BNC2: variants seen among roughly 807,000 people sequenced by gnomAD.
The protein encoded by BNC2 is zinc finger protein basonuclin-2.
BNC2 carries 20 observed loss-of-function variants against 76.3 expected under a neutral mutation model. The ratio of observed to expected loss-of-function variants is 0.26; its 90% CI spans 0.18 to 0.38. The LOEUF is 0.38. BNC2 is among the 10% of genes least tolerant of loss of function. BNC2 has a pLI of 1.00. For missense variants in BNC2, 1,382 were observed against 1,399.8 expected (o/e 0.99, Z 0.20); for synonymous variants, 582 against 514.8 (o/e 1.13, Z -1.77).
At chr9:16,772,314 A>C (rs1367760643) in intron 1 of BNC2, among the ~76,000 whole-genome samples, 1 of 152,166 alleles carries the variant, frequency 6.6e-6, no homozygotes, top group Non-Finnish European at 1.5e-5. Flanking sequence ...GGGCAAGTGA[A>C]TTATTAGATC....
chr9:16,669,385 C>T (rs1379240950), intron 3 of BNC2, among the ~76,000 whole-genome samples: 1 of 152,172 alleles, frequency 6.6e-6, no homozygotes, highest in East Asian at 1.9e-4. Flanking sequence ...CTCAAATAAT[C>T]CAACTATCCA....
chr9:16,418,697 C>A lies in BNC2; in HGVS notation c.*292G>T. 1.9e-5 allele frequency: 6 copies of A among 323,148 alleles called. No individual in the cohort carries two copies. The highest frequency in any genetic ancestry group is 7.3e-5 in the East Asian group (1 of 13,714). 20.0% of individuals were successfully genotyped at this position (323,148 alleles called of 1,614,324 possible). A position where few individuals can be genotyped will look rare whatever the true frequency, so the allele number is the denominator to read the frequency against. On this transcript the variant is annotated 3_prime_UTR_variant, in exon 7 of 7. Coordinates refer to ENST00000380672, the MANE Select transcript of BNC2 (RefSeq NM_017637.6). ...GTGTGTGTGTGTGTGTGTGTATGTG[C>A]ATGTGTGTGTGTGTGTGTTTAAAGG... is the stretch of plus-strand genomic sequence containing the variant.
chr9:16,826,768 C>T (rs3935374), intron 1 of BNC2, among the ~76,000 whole-genome samples: 8,818 of 152,038 alleles, frequency 0.058, 277 homozygotes, highest in Middle Eastern at 0.11. Flanking sequence ...TCTCCAAATC[C>T]AGGGCAACAA....
rs1820467851 is a variant in BNC2, at chr9:16,411,847, A to C, written c.*7142T>G. ...ATCTTACTGAAATGTGACTGTTTGTAATGGGGCCAACTATCTTCTCTGAGA... is the reference window on the plus strand; with the variant it reads ...ATCTTACTGAAATGTGACTGTTTGTCATGGGGCCAACTATCTTCTCTGAGA... On this transcript the variant is annotated 3_prime_UTR_variant, in exon 7 of 7. Coordinates refer to ENST00000380672, the MANE Select transcript of BNC2 (RefSeq NM_017637.6). The C allele has an allele frequency of 1.3e-5, 2 of 152,190 alleles. No individual in the cohort carries two copies. Among genetic ancestry groups the C allele is most frequent in the African/African-American group, 4.8e-5 (2 of 41,434 alleles). The allele number at this position is 152,190 out of a possible 1,614,324, so 9.4% of individuals were successfully genotyped here. A position where few individuals can be genotyped will look rare whatever the true frequency, so the allele number is the denominator to read the frequency against.
intron 6 of BNC2, chr9:16,434,848 G>A (rs1423865434): frequency 2.2e-6 from 1 of 457,370 alleles, no homozygotes; most frequent in Non-Finnish European, 4.4e-6. Flanking sequence ...CCGCATGGTA[G>A]ACTATAGTTT....
chr9:16,615,592 T>C (rs887983150), intron 3 of BNC2, among the ~76,000 whole-genome samples: 5 of 152,202 alleles, frequency 3.3e-5, no homozygotes, highest in African/African-American at 1.2e-4. Context: ...TTTTTTGTCT[T>C]ATCACATTTT....
chr9:16,525,642 G>A (rs1462321568), intron 5 of BNC2, among the ~76,000 whole-genome samples: 1 of 152,090 alleles, frequency 6.6e-6, no homozygotes, highest in Non-Finnish European at 1.5e-5. Flanking sequence ...CACAAATTAC[G>A]ATACATCCAT....
intron 1 of BNC2, among the ~76,000 whole-genome samples, chr9:16,815,037 G>A (rs1422206282): frequency 3.9e-5 from 6 of 152,100 alleles, no homozygotes; most frequent in African/African-American, 7.2e-5. Context: ...TTATAAGGAA[G>A]ACCCTAGGAA....
At chr9:16,651,513 G>C (rs959334499) in intron 3 of BNC2, among the ~76,000 whole-genome samples, 1 of 152,170 alleles carries the variant, frequency 6.6e-6, no homozygotes, top group Non-Finnish European at 1.5e-5. Context: ...CCAGTCACTT[G>C]TCCTAGAAGC....
intron 5 of BNC2, among the ~76,000 whole-genome samples, chr9:16,507,379 C>T (rs1452360873): frequency 6.6e-6 from 1 of 151,754 alleles, no homozygotes; most frequent in Non-Finnish European, 1.5e-5. Flanking sequence ...CCTGCCTCAG[C>T]CTCCCAAGTA....
In BNC2 at chr9:16,843,125, T is replaced by C. The variant is rs149432463; in HGVS notation, c.3+27521A>G. Among the ~76,000 whole-genome samples the C allele has an allele frequency of 2.4e-3, 366 of 152,296 alleles. 1 individual carries two copies. Among genetic ancestry groups the C allele is most frequent in the African/African-American group, 7.9e-3 (327 of 41,558 alleles). On this transcript the variant is annotated intron_variant, in intron 1 of 6. Coordinates refer to ENST00000380672, the MANE Select transcript of BNC2 (RefSeq NM_017637.6). ...GTTTTTTACTATAATTAAAAATAGA[T>C]TTGATAGATAGATAATTGACTGATG...
At chr9:16,491,548 G>A (rs1195844124) in intron 5 of BNC2, among the ~76,000 whole-genome samples, 2 of 152,112 alleles carry the variant, frequency 1.3e-5, no homozygotes, top group South Asian at 2.1e-4. Context: ...TGATAGCTGG[G>A]GAAATGGCAG....
intron 5 of BNC2, among the ~76,000 whole-genome samples, chr9:16,461,966 T>G (rs747991801): frequency 5.9e-5 from 9 of 152,218 alleles, no homozygotes; most frequent in Non-Finnish European, 1.0e-4. Flanking sequence ...AACAAATAAT[T>G]TCTTTAATGC....
At chr9:16,487,260 G>A (rs1822185230) in intron 5 of BNC2, among the ~76,000 whole-genome samples, 1 of 152,136 alleles carries the variant, frequency 6.6e-6, no homozygotes, top group African/African-American at 2.4e-5. Context: ...AAGTCTGTCG[G>A]CTGGGGGTGG....
intron 1 of BNC2, among the ~76,000 whole-genome samples, chr9:16,866,158 C>A (rs1425985534): frequency 6.6e-6 from 1 of 152,042 alleles, no homozygotes; most frequent in Non-Finnish European, 1.5e-5. Flanking sequence ...ATAACTGTAT[C>A]ACAAATGTTA....
intron 1 of BNC2, among the ~76,000 whole-genome samples, chr9:16,776,243 C>G (rs566243060): frequency 3.3e-4 from 50 of 152,060 alleles, no homozygotes; most frequent in Non-Finnish European, 5.9e-4. Flanking sequence ...TGGGTTCAAG[C>G]GATTCTCCTC....
chr9:16,773,891 GTAT>G (rs1356520068), intron 1 of BNC2, among the ~76,000 whole-genome samples: 4 of 152,138 alleles, frequency 2.6e-5, no homozygotes, highest in Non-Finnish European at 5.9e-5. Context: ...GTTGCAGATG[GTAT>G]TATCCCACGC....
intron 1 of BNC2, among the ~76,000 whole-genome samples, chr9:16,794,961 T>C (rs551643940): frequency 6.7e-4 from 101 of 151,850 alleles, no homozygotes; most frequent in African/African-American, 2.3e-3. Flanking sequence ...AAGTTCATGA[T>C]AAAGGAAAAT....
At chr9:16,649,684 A>G (rs1464532656) in intron 3 of BNC2, among the ~76,000 whole-genome samples, 1 of 152,190 alleles carries the variant, frequency 6.6e-6, no homozygotes. Context: ...GGCACAATCT[A>G]TAAGAGAAAG....
Sources: gnomAD v4.1 joint callset for allele counts (sites outside exome capture counted in the v4.1 genomes callset) on GRCh38, gnomAD v4.1.1 for gene constraint, MANE v1.5 for transcripts, NCBI Gene and HGNC (gene_info 2026-07-23, HGNC 2026-07-21) for gene names.